The following TNNI3K variants were observed in gnomAD, a reference collection of about 807,000 sequenced individuals.
The protein encoded by TNNI3K is TNNI3 interacting kinase, also known as serine/threonine-protein kinase TNNI3K.
TNNI3K carries 140 observed loss-of-function variants against 114.5 expected under a neutral mutation model. That is an observed-to-expected ratio of 1.22 (90% CI 1.07 to 1.41). The LOEUF is 1.41. Ranked by LOEUF, TNNI3K falls within the 40% of genes most tolerant of loss-of-function variation. The probability of loss-of-function intolerance (pLI) is 0.00; values close to 1 mark genes in which losing one functional copy is unlikely to be tolerated. For synonymous variants in TNNI3K, 347 were observed against 347.5 expected (o/e 1.00, Z 0.02); for missense variants, 1,125 against 1,007.6 (o/e 1.12, Z -1.58).
rs544262675 is a variant in TNNI3K, at chr1:74,270,976, A to G, written c.334-622A>G. ...AAGAATTACTTTAATTGTTGCACAAATTTTTCAAATTTGGAGGCTCAAATA... is the reference window on the plus strand; with the variant it reads ...AAGAATTACTTTAATTGTTGCACAAGTTTTTCAAATTTGGAGGCTCAAATA... On this transcript the variant is annotated intron_variant, in intron 4 of 24. Transcript: ENST00000326637. Among the ~76,000 whole-genome samples the G allele has an allele frequency of 1.3e-4, 19 of 151,914 alleles. No homozygotes were observed. The South Asian group carries it at 2.5e-3, about 20-fold the overall frequency.
chr1:74,392,959 A>G (rs1663869793), intron 17 of TNNI3K, among the ~76,000 whole-genome samples: 1 of 152,208 alleles, frequency 6.6e-6, no homozygotes, highest in African/African-American at 2.4e-5. Flanking sequence ...CCTAAACACA[A>G]GCCACTTATA....
chr1:74,262,919 C>T (rs922328189), intron 4 of TNNI3K, among the ~76,000 whole-genome samples: 2 of 152,096 alleles, frequency 1.3e-5, no homozygotes, highest in Non-Finnish European at 2.9e-5. Context: ...GCTCCTAGTA[C>T]TTACTATGCT....
At chr1:74,299,619 A>G (rs1658196556) in intron 5 of TNNI3K, among the ~76,000 whole-genome samples, 1 of 152,150 alleles carries the variant, frequency 6.6e-6, no homozygotes, top group African/African-American at 2.4e-5. Context: ...TGGTATTATT[A>G]TCTTCATTAT....
At chr1:74,512,270 A>G (rs72979498) in intron 23 of TNNI3K, among the ~76,000 whole-genome samples, 26 of 152,262 alleles carry the variant, frequency 1.7e-4, no homozygotes, top group African/African-American at 6.3e-4. Flanking sequence ...TCTAGATGAG[A>G]CATGAGTGAC....
At chr1:74,403,697 A>G (rs1403741096) in intron 17 of TNNI3K, among the ~76,000 whole-genome samples, 3 of 152,202 alleles carry the variant, frequency 2.0e-5, no homozygotes, top group African/African-American at 7.2e-5. Context: ...ACACCTAGAT[A>G]ATTGACTGAA....
chr1:74,264,959 C>CT (rs2100879209), intron 4 of TNNI3K, among the ~76,000 whole-genome samples: 1 of 151,898 alleles, frequency 6.6e-6, no homozygotes, highest in African/African-American at 2.4e-5. Flanking sequence ...TATTATATTT[C>CT]TTTTTATAAA....
intron 5 of TNNI3K, among the ~76,000 whole-genome samples, chr1:74,319,079 T>TC (rs1659469581): frequency 6.6e-6 from 1 of 152,242 alleles, no homozygotes; most frequent in African/African-American, 2.4e-5. Context: ...CTTAGCTGGA[T>TC]CCCCTGGCTT....
chr1:74,537,096 T>C (rs562426813), intron 23 of TNNI3K, among the ~76,000 whole-genome samples: 64 of 152,304 alleles, frequency 4.2e-4, no homozygotes, highest in Non-Finnish European at 8.1e-4. Flanking sequence ...AAAGGTTAAG[T>C]CGTTTGACAT....
At chr1:74,256,198 C>G (rs1412094477) in intron 4 of TNNI3K, among the ~76,000 whole-genome samples, 2 of 149,336 alleles carry the variant, frequency 1.3e-5, no homozygotes, top group African/African-American at 2.4e-5. Context: ...TTTTAACAAA[C>G]TAGCAATTCC....
At chr1:74,298,869 A>G (rs1044762204) in intron 5 of TNNI3K, among the ~76,000 whole-genome samples, 2 of 152,138 alleles carry the variant, frequency 1.3e-5, no homozygotes, top group African/African-American at 2.4e-5. Flanking sequence ...ATAAAAAAGC[A>G]TCAATGTATC....
In TNNI3K at chr1:74,544,000, C is replaced by G; in HGVS notation, c.*18C>G. The G allele has an allele frequency of 6.2e-7, 1 of 1,604,362 alleles. No homozygotes were observed. Among genetic ancestry groups the G allele is most frequent in the Non-Finnish European group, 8.5e-7 (1 of 1,176,520 alleles). ...GCAGCTGACAGCATTCGGCGTATAC[C>G]TAAGGAGAGTTTTTTCCCCGAACTG... is the stretch of plus-strand genomic sequence containing the variant. On this transcript the variant is annotated 3_prime_UTR_variant, in exon 25 of 25. Transcript: ENST00000326637.
chr1:74,327,236 A>G (rs1198651198), intron 5 of TNNI3K, among the ~76,000 whole-genome samples: 1 of 151,440 alleles, frequency 6.6e-6, no homozygotes, highest in African/African-American at 2.4e-5. Flanking sequence ...TTGTTATACT[A>G]TCAAAATAAA....
Position 74,336,066 on chromosome 1 carries a change from G to T in TNNI3K, c.599G>T (p.Gly200Val). 1 of 1,600,768 alleles carries T rather than the reference G, an allele frequency of 6.2e-7. No homozygotes were observed. ...GADVNVSGEV[G>V]DRPLHLASAK... ...GATGTAAATGTAAGTGGTGAAGTTGGAGATAGACCCCTCCACCTAGCATCT... is the reference window on the plus strand; with the variant it reads ...GATGTAAATGTAAGTGGTGAAGTTGTAGATAGACCCCTCCACCTAGCATCT... The change falls in exon 7 of 25, where the codon GGA (glycine) becomes GTA (valine). Residue 200 changes from glycine (G) to valine (V), a missense_variant. Gly to Val is a moderately radical substitution (Grantham distance 109, BLOSUM62 -3). Transcript: ENST00000326637.
At chr1:74,486,800 G>A (rs113913986) in intron 21 of TNNI3K, among the ~76,000 whole-genome samples, 27 of 151,880 alleles carry the variant, frequency 1.8e-4, no homozygotes, top group Admixed American at 5.3e-4. Flanking sequence ...GCCAATGAGC[G>A]CAGAAAAAAA....
At position 74,475,116 on chromosome 1, in the gene TNNI3K, CCACACA is replaced by C. The variant is rs3058791; in HGVS notation, c.2121+11603_2121+11608del. Among the ~76,000 whole-genome samples, 1,348 of 135,980 alleles carry C rather than the reference CCACACA, an allele frequency of 9.9e-3. 13 individuals are homozygous for C. Among genetic ancestry groups the C allele is most frequent in the African/African-American group, 0.03 (1,092 of 36,348 alleles). The allele number at this position is 135,980 out of a possible 152,430, so 89.2% of individuals were successfully genotyped here. On this transcript the variant is annotated intron_variant, in intron 21 of 24. Transcript: ENST00000326637. ...AAGAACACTTCATCTCCACCTCAGC[CCACACA>C]CACACACACACACACACACACACAC... is the stretch of plus-strand genomic sequence containing the variant.
At chr1:74,367,402 C>A in intron 12 of TNNI3K, 60 bp downstream of exon 12, 27 of 1,563,490 alleles carry the variant, frequency 1.7e-5, no homozygotes, top group Non-Finnish European at 2.4e-5. Context: ...AAAGGTAAAC[C>A]TGTGTTTCTG....
chr1:74,372,013 G>A (rs1487326294), intron 17 of TNNI3K: 1 of 149,898 alleles, frequency 6.7e-6, no homozygotes, highest in African/African-American at 2.5e-5. Flanking sequence ...CAAAGCTTGA[G>A]GATCATTACC....
chr1:74,467,674 T>C (rs1667737368), intron 21 of TNNI3K, among the ~76,000 whole-genome samples: 1 of 152,252 alleles, frequency 6.6e-6, no homozygotes, highest in East Asian at 1.9e-4. Context: ...AAATTGTAGT[T>C]CCTACAGTAA....
At position 74,331,527 on chromosome 1, in the gene TNNI3K, A is replaced by C; in HGVS notation, c.522A>C (p.Ala174=). 1.2e-6 allele frequency: 2 copies of C among 1,613,454 alleles called. No individual in the cohort carries two copies. The highest frequency in any genetic ancestry group is 4.5e-5 in the East Asian group (2 of 44,862). Residue 174 remains alanine, a synonymous_variant, in exon 6 of 25, where the codon GCA becomes GCC. Coordinates refer to ENST00000326637, the MANE Select transcript of TNNI3K (RefSeq NM_015978.3). ...TTTTTTTCACTCCATTGCATATTGC[A>C]GCGTACTATGGACATGAACAGGTAA... ...DAVFFTPLHI[A]AYYGHEQVTR...
Sources: allele counts gnomAD v4.1 joint callset (sites outside exome capture counted in the v4.1 genomes callset), GRCh38; gene constraint gnomAD v4.1.1; transcripts MANE v1.5; gene names NCBI Gene and HGNC (gene_info 2026-07-23, HGNC 2026-07-21).